PCSK2: variants seen among roughly 807,000 people sequenced by gnomAD.
PCSK2 encodes the protein neuroendocrine convertase 2.
Under a neutral mutation model 69.7 loss-of-function variants are expected in PCSK2, and 14 were observed. That is an observed-to-expected ratio of 0.20 (90% CI 0.13 to 0.31). The LOEUF (loss-of-function observed/expected upper bound fraction) is 0.31, where lower values mean the gene tolerates loss of function less well. PCSK2 is among the 10% of genes least tolerant of loss of function. PCSK2 has a pLI of 1.00. For missense variants in PCSK2, 544 were observed against 842.5 expected (o/e 0.65, Z 4.39); for synonymous variants, 307 against 320.7 (o/e 0.96, Z 0.46).
Position 17,465,426 on chromosome 20 carries a change from G to A in PCSK2, c.1303G>A (p.Gly435Ser), listed in dbSNP as rs1166743176. The change falls in exon 11 of 12, where the codon GGC (glycine) becomes AGC (serine). Residue 435 changes from glycine (G) to serine (S), a missense_variant. Physicochemically the swap from Gly to Ser is moderately conservative, Grantham distance 56. Around this residue, in one of 3 missense-constraint regions of PCSK2, gnomAD observed 200 missense variants for 287.8 expected, o/e 0.69. Coordinates refer to ENST00000262545, the MANE Select transcript of PCSK2 (RefSeq NM_002594.5). The stretch of plus-strand genomic sequence containing the variant: ...CCATCAGTGGCGGCGCAATGGGGTC[G>A]GCCTGGAATTTAATCACCTCTTTGG... ...EVHQWRRNGV[G>S]LEFNHLFGYG... is the part of the protein sequence containing the mutation. 6 of 1,614,096 alleles carry A rather than the reference G, an allele frequency of 3.7e-6. No homozygotes were observed. The highest frequency in any genetic ancestry group is 3.4e-6 in the Non-Finnish European group (4 of 1,180,006).
At chr20:17,442,851 T>A (rs975291386) in intron 8 of PCSK2, among the ~76,000 whole-genome samples, 1 of 152,178 alleles carries the variant, frequency 6.6e-6, no homozygotes, top group African/African-American at 2.4e-5. Context: ...TCTTCTGACT[T>A]CCCTTAAATT....
chr20:17,266,666 T>A (rs1335849218), intron 2 of PCSK2, among the ~76,000 whole-genome samples: 3 of 152,130 alleles, frequency 2.0e-5, no homozygotes, highest in Non-Finnish European at 4.4e-5. Context: ...AAGAGAACAC[T>A]GGGCAAAGGG....
At chr20:17,276,177 C>T (rs1988067886) in intron 2 of PCSK2, among the ~76,000 whole-genome samples, 1 of 152,036 alleles carries the variant, frequency 6.6e-6, no homozygotes, top group African/African-American at 2.4e-5. Flanking sequence ...ATTAGTTATG[C>T]ATGGTGGTTT....
intron 8 of PCSK2, among the ~76,000 whole-genome samples, chr20:17,450,917 G>C (rs1178086721): frequency 6.6e-6 from 1 of 152,026 alleles, no homozygotes; most frequent in Non-Finnish European, 1.5e-5. Flanking sequence ...AAGTAGGGTG[G>C]CATGCCAGCA....
chr20:17,241,114 G>A (rs1019253560), intron 1 of PCSK2, among the ~76,000 whole-genome samples: 2 of 152,166 alleles, frequency 1.3e-5, no homozygotes, highest in Admixed American at 6.5e-5. Flanking sequence ...TTAATATATA[G>A]TGCATGTGAG....
rs771572406 is a variant in PCSK2, at chr20:17,360,684, C to T, written c.505+44C>T. 6.2e-6 allele frequency: 7 copies of T among 1,124,516 alleles called. No homozygotes were observed. In the East Asian group the frequency reaches 1.7e-4, roughly 28 times the overall value. 69.7% of individuals were successfully genotyped at this position (1,124,516 alleles called of 1,614,324 possible). A position where few individuals can be genotyped will look rare whatever the true frequency, so the allele number is the denominator to read the frequency against. Reference sequence around the variant, plus strand: ...GTGCCTCATTTGGAAATAAGCGTGCCTTTGCTTGCCTTTTGATAAAAGTTG... The same window carrying T: ...GTGCCTCATTTGGAAATAAGCGTGCTTTTGCTTGCCTTTTGATAAAAGTTG... On this transcript the variant is annotated intron_variant, in intron 4 of 11. Transcript: ENST00000262545.
intron 4 of PCSK2, among the ~76,000 whole-genome samples, chr20:17,362,929 T>A (rs1257907745): frequency 2.6e-5 from 4 of 152,252 alleles, no homozygotes; most frequent in Admixed American, 6.5e-5. Flanking sequence ...TGCCATGTAA[T>A]TGGCCATCTC....
At chr20:17,342,009 AG>A (rs932881777) in intron 2 of PCSK2, among the ~76,000 whole-genome samples, 2 of 152,348 alleles carry the variant, frequency 1.3e-5, no homozygotes, top group African/African-American at 4.8e-5. Context: ...GCCTGGCCAC[AG>A]GGGTAATTGA....
chr20:17,377,165 A>G (rs2123244711), intron 5 of PCSK2, among the ~76,000 whole-genome samples: 1 of 152,356 alleles, frequency 6.6e-6, no homozygotes, highest in Admixed American at 6.5e-5. Context: ...AGAATCCCTC[A>G]AGTTGCTGGA....
intron 5 of PCSK2, among the ~76,000 whole-genome samples, chr20:17,386,442 A>G (rs1428877315): frequency 6.6e-6 from 1 of 152,148 alleles, no homozygotes. Flanking sequence ...TAAGGTCCTA[A>G]GATTATTTAT....
intron 11 of PCSK2, among the ~76,000 whole-genome samples, chr20:17,481,210 G>A (rs765127015): frequency 4.6e-5 from 7 of 151,598 alleles, no homozygotes; most frequent in East Asian, 1.9e-4. Context: ...GTGAAACTCC[G>A]TCTCTACTAA....
chr20:17,435,322 C>T (rs990157848), intron 7 of PCSK2, among the ~76,000 whole-genome samples: 8 of 152,198 alleles, frequency 5.3e-5, no homozygotes, highest in Non-Finnish European at 1.0e-4. Context: ...GACACATGCC[C>T]TATACTCAAA....
chr20:17,380,895 T>A (rs982021812), intron 5 of PCSK2, among the ~76,000 whole-genome samples: 18 of 152,218 alleles, frequency 1.2e-4, no homozygotes, highest in Non-Finnish European at 5.9e-5. Flanking sequence ...ATTCTAAGTT[T>A]TCTTTCCACT....
rs1491273517 is a variant in PCSK2, at chr20:17,303,501, A to AT, written c.282+43158dup. Among the ~76,000 whole-genome samples the AT allele has an allele frequency of 5.6e-4, 23 of 40,738 alleles. 1 individual carries two copies. The East Asian group carries it at 0.013, about 23-fold the overall frequency. 26.7% of individuals were successfully genotyped at this position (40,738 alleles called of 152,430 possible). A position where few individuals can be genotyped will look rare whatever the true frequency, so the allele number is the denominator to read the frequency against. On this transcript the variant is annotated intron_variant, in intron 2 of 11. Transcript: ENST00000262545. The stretch of plus-strand genomic sequence containing the variant: ...TATAATATATATTATATTTAATATA[A>AT]TATATATTATATATAATATAATATA...
At chr20:17,341,123 C>A (rs2123172101) in intron 2 of PCSK2, among the ~76,000 whole-genome samples, 1 of 152,216 alleles carries the variant, frequency 6.6e-6, no homozygotes, top group Admixed American at 6.5e-5. Context: ...GCCTGTAATC[C>A]CAGCAACTTG....
rs76730703 is a variant in PCSK2 at position 17,297,813 on chromosome 20, C to A, written c.282+37469C>A. On this transcript the variant is annotated intron_variant, in intron 2 of 11. Coordinates refer to ENST00000262545, the MANE Select transcript of PCSK2 (RefSeq NM_002594.5). ...TACATCAGCCTGATACACCTTTGCTCATTCCTTCATTTTTTGCCTTCCTAT... is the reference window on the plus strand; with the variant it reads ...TACATCAGCCTGATACACCTTTGCTAATTCCTTCATTTTTTGCCTTCCTAT... Among the ~76,000 whole-genome samples, 767 of 152,202 alleles carry A rather than the reference C, an allele frequency of 5.0e-3. 6 individuals are homozygous for A. The highest frequency in any genetic ancestry group is 0.023 in the East Asian group (119 of 5,178).
At chr20:17,384,693 G>C (rs1246590215) in intron 5 of PCSK2, among the ~76,000 whole-genome samples, 3 of 152,098 alleles carry the variant, frequency 2.0e-5, no homozygotes, top group Admixed American at 6.6e-5. Context: ...CAGCACTTTG[G>C]GAGACTAGGG....
At chr20:17,399,376 C>A (rs2031585733) in intron 5 of PCSK2, among the ~76,000 whole-genome samples, 1 of 152,154 alleles carries the variant, frequency 6.6e-6, no homozygotes, top group South Asian at 2.1e-4. Context: ...TAGTATGTTT[C>A]TTTAAATTGA....
At chr20:17,278,922 C>G (rs755956442) in intron 2 of PCSK2, among the ~76,000 whole-genome samples, 6 of 151,788 alleles carry the variant, frequency 4.0e-5, no homozygotes, top group Non-Finnish European at 8.8e-5. Context: ...CTAATAGTTT[C>G]CTAAATTTTT....
Sources: allele counts gnomAD v4.1 joint callset (sites outside exome capture counted in the v4.1 genomes callset), GRCh38; gene constraint gnomAD v4.1.1; regional missense constraint gnomAD v4.1.1; transcripts MANE v1.5; gene names NCBI Gene and HGNC (gene_info 2026-07-23, HGNC 2026-07-21).